Variants in DAB1 observed in about 807,000 individuals in gnomAD.
The protein encoded by DAB1 is DAB adaptor protein 1.
Under a neutral mutation model 64.6 loss-of-function variants are expected in DAB1, and 15 were observed. That is an observed-to-expected ratio of 0.23 (90% confidence interval 0.16 to 0.36). The LOEUF (loss-of-function observed/expected upper bound fraction) is 0.36, where lower values mean the gene tolerates loss of function less well. Among genes scored for constraint, DAB1 ranks in the 10% least tolerant of loss-of-function variants. The pLI, the probability that DAB1 is intolerant of heterozygous loss-of-function variation, is 1.00. For synonymous variants in DAB1, 235 were observed against 251.9 expected (o/e 0.93, Z 0.64); for missense variants, 596 against 706.7 (o/e 0.84, Z 1.78).
intron 5 of DAB1, among the ~76,000 whole-genome samples, chr1:58,108,021 T>C (rs1047308823): frequency 6.6e-6 from 1 of 152,090 alleles, no homozygotes; most frequent in Non-Finnish European, 1.5e-5. Flanking sequence ...GACTGGACAA[T>C]GGACAGCAAG....
At chr1:58,132,896 G>T (rs1165346497) in intron 5 of DAB1, among the ~76,000 whole-genome samples, 1 of 152,166 alleles carries the variant, frequency 6.6e-6, no homozygotes, top group Non-Finnish European at 1.5e-5. Flanking sequence ...TCTGATATCT[G>T]TGTTAGTGTT....
rs1569802406 is a variant in DAB1, at chr1:58,445,600, T to C, written n.257+60460A>G. Among the ~76,000 whole-genome samples the C allele has an allele frequency of 2.0e-5, 3 of 152,322 alleles. No homozygotes were observed. In the South Asian group the frequency reaches 6.2e-4, roughly 32 times the overall value. ...GCAGGTGCTTCTGTTCTTGGATCTG[T>C]GAAAAACGCTTCTTGCTGGAGGATT... On this transcript the variant is annotated intron_variant and non_coding_transcript_variant, in intron 3 of 20. Coordinates refer to the DAB1 transcript ENST00000485760.
intron 7 of DAB1, among the ~76,000 whole-genome samples, chr1:57,440,839 A>C (rs891633864): frequency 6.6e-6 from 1 of 152,214 alleles, no homozygotes; most frequent in Non-Finnish European, 1.5e-5. Flanking sequence ...TGAGTATACT[A>C]TTTGAAATTA....
At chr1:57,365,296 AAAG>A (rs1454100655) in intron 1 of DAB1, among the ~76,000 whole-genome samples, 1 of 142,410 alleles carries the variant, frequency 7.0e-6, no homozygotes, top group Non-Finnish European at 1.5e-5. Context: ...TATATTATAT[AAAG>A]AATACATAAA....
At chr1:57,244,444 T>C (rs752401246) in intron 2 of DAB1, among the ~76,000 whole-genome samples, 1 of 152,222 alleles carries the variant, frequency 6.6e-6, no homozygotes, top group Non-Finnish European at 1.5e-5. Context: ...CTTTATTCCA[T>C]GACTTAGAGT....
intron 4 of DAB1, among the ~76,000 whole-genome samples, chr1:58,250,296 G>A: frequency 6.6e-6 from 1 of 152,238 alleles, no homozygotes; most frequent in East Asian, 1.9e-4. Context: ...TCCTCCGGCT[G>A]CAGTAGAGGG....
rs1020643153 is a variant in DAB1 at position 58,433,657 on chromosome 1, G to A, written n.257+72403C>T. Among the ~76,000 whole-genome samples the A allele has an allele frequency of 2.7e-5, 4 of 148,890 alleles. No homozygotes were observed. In the East Asian group the frequency reaches 6.2e-4, roughly 23 times the overall value. On this transcript the variant is annotated intron_variant and non_coding_transcript_variant, in intron 3 of 20. Coordinates refer to the DAB1 transcript ENST00000485760. ...TGTGCTTGTCTGTGTCTGTGTGGAGGGGGGGAGGCGGGGGAGAGAGAGAGA... is the reference window on the plus strand; with the variant it reads ...TGTGCTTGTCTGTGTCTGTGTGGAGAGGGGGAGGCGGGGGAGAGAGAGAGA...
At chr1:57,424,260 G>A (rs1193986750), upstream of DAB1, among the ~76,000 whole-genome samples, 1 of 151,360 alleles carries the variant, frequency 6.6e-6, no homozygotes, top group Non-Finnish European at 1.5e-5. Flanking sequence ...GCTCCCTCCG[G>A]GGCGCTCTCT....
chr1:57,993,965 A>G (rs571232672), intron 5 of DAB1, among the ~76,000 whole-genome samples: 20 of 152,328 alleles, frequency 1.3e-4, no homozygotes, highest in African/African-American at 4.6e-4. Flanking sequence ...TAAATAATAC[A>G]AATACAATAT....
intron 7 of DAB1, among the ~76,000 whole-genome samples, chr1:57,608,779 C>A (rs576961920): frequency 6.6e-6 from 1 of 152,130 alleles, no homozygotes. Flanking sequence ...TATATTAAAT[C>A]TACCAGGTTC....
intron 9 of DAB1, among the ~76,000 whole-genome samples, chr1:57,038,189 T>C (rs182930984): frequency 1.8e-4 from 27 of 152,332 alleles, no homozygotes; most frequent in Non-Finnish European, 2.8e-4. Flanking sequence ...ATATCCTATA[T>C]TTGCATTGAC....
chr1:57,585,976 G>C (rs572459530), intron 7 of DAB1, among the ~76,000 whole-genome samples: 1 of 152,256 alleles, frequency 6.6e-6, no homozygotes, highest in South Asian at 2.1e-4. Context: ...TTCAACTGTG[G>C]GATGAAGAGG....
intron 2 of DAB1, among the ~76,000 whole-genome samples, chr1:57,290,207 C>T (rs2100661548): frequency 6.6e-6 from 1 of 152,044 alleles, no homozygotes; most frequent in Non-Finnish European, 1.5e-5. Flanking sequence ...CAGGAGGCTC[C>T]CCTAAACTCA....
chr1:57,505,855 G>A (rs1048319535), intron 7 of DAB1, among the ~76,000 whole-genome samples: 2 of 151,964 alleles, frequency 1.3e-5, no homozygotes, highest in Non-Finnish European at 2.9e-5. Flanking sequence ...ATTTTTTGTA[G>A]TGAGGGGCTT....
chr1:58,162,424 A>G (rs1266573401), intron 4 of DAB1, among the ~76,000 whole-genome samples: 1 of 152,060 alleles, frequency 6.6e-6, no homozygotes, highest in Non-Finnish European at 1.5e-5. Flanking sequence ...TTAAATAAGT[A>G]TAATTACATC....
chr1:57,139,724 T>C (rs886444995), intron 3 of DAB1, among the ~76,000 whole-genome samples: 2 of 152,120 alleles, frequency 1.3e-5, no homozygotes, highest in Admixed American at 6.6e-5. Flanking sequence ...AATTAATTCC[T>C]AGCATATAGT....
chr1:58,393,468 C>G (rs849494), intron 3 of DAB1, among the ~76,000 whole-genome samples: 10,243 of 152,192 alleles, frequency 0.067, 781 homozygotes, highest in African/African-American at 0.19. Flanking sequence ...AAGAAGTAGA[C>G]ACATTTATAA....
At chr1:57,865,124 G>C (rs1654239747) in intron 1 of DAB1, 1 of 152,112 alleles carries the variant, frequency 6.6e-6, no homozygotes, top group Admixed American at 6.6e-5. Context: ...GGGGCTCACA[G>C]ATGTCTCCTT....
At chr1:57,676,584 G>A (rs998054796) in intron 6 of DAB1, among the ~76,000 whole-genome samples, 2 of 152,118 alleles carry the variant, frequency 1.3e-5, no homozygotes, top group South Asian at 4.2e-4. Flanking sequence ...AAAAGAAGAG[G>A]GCAGCACCAG....
Sources: allele counts gnomAD v4.1 joint callset (sites outside exome capture counted in the v4.1 genomes callset), GRCh38; gene constraint gnomAD v4.1.1; transcripts MANE v1.5; gene names NCBI Gene and HGNC (gene_info 2026-07-23, HGNC 2026-07-21).